Variants in IL16 observed in about 807,000 individuals in gnomAD.
IL16 encodes the protein interleukin 16, also known as pro-interleukin-16.
A neutral mutation model predicts 110.1 loss-of-function variants in IL16; 67 were observed. The observed-to-expected ratio is 0.61, with a 90% confidence interval of 0.50 to 0.75. IL16 has a LOEUF of 0.75. Ranked by LOEUF, IL16 falls within the 30% of genes least tolerant of loss-of-function variation. IL16 has a pLI of 0.00. For missense variants in IL16, 1,545 were observed against 1,655.0 expected (o/e 0.93, Z 1.15); for synonymous variants, 689 against 662.9 (o/e 1.04, Z -0.61).
intron 2 of IL16, among the ~76,000 whole-genome samples, chr15:81,246,143 C>T (rs550397297): frequency 1.3e-4 from 20 of 152,192 alleles, no homozygotes; most frequent in African/African-American, 4.8e-4. Flanking sequence ...TTTTTACAAG[C>T]CTGTAAAAAT....
chr15:81,293,967 C>T (rs1899866287), intron 12 of IL16, among the ~76,000 whole-genome samples: 1 of 152,248 alleles, frequency 6.6e-6, no homozygotes. Flanking sequence ...CAGTTACCCA[C>T]TATGCAATGC....
intron 12 of IL16, 37 bp from the exon 13 acceptor site, chr15:81,296,891 C>T (rs370107778): frequency 4.7e-5 from 73 of 1,546,842 alleles, no homozygotes; most frequent in African/African-American, 4.3e-4. Flanking sequence ...TTGAGGCTAC[C>T]GTTTTGACAT....
At chr15:81,226,372 A>C (rs1038800273) in intron 2 of IL16, among the ~76,000 whole-genome samples, 3 of 152,228 alleles carry the variant, frequency 2.0e-5, no homozygotes, top group Non-Finnish European at 2.9e-5. Flanking sequence ...GAATACCAGA[A>C]ATCTAGACCA....
At chr15:81,189,951 C>G (rs1368449743) in intron 1 of IL16, among the ~76,000 whole-genome samples, 1 of 152,218 alleles carries the variant, frequency 6.6e-6, no homozygotes, top group Non-Finnish European at 1.5e-5. Flanking sequence ...CTTGTGTGGG[C>G]AGAAAGACTG....
chr15:81,229,469 T>C (rs4095327), intron 2 of IL16, among the ~76,000 whole-genome samples: 20,250 of 151,754 alleles, frequency 0.13, 1,644 homozygotes, highest in South Asian at 0.3. Context: ...GGAGTCAAGT[T>C]TGAGGCAGGG....
chr15:81,299,639 C>T lies in IL16; in HGVS notation c.2313C>T (p.Tyr771=). ...CCGCCAATGGCACTCCCAAAGTTTA[C>T]AAGTCAGCAGACAGCAGCACTGTGA... ...LDTANGTPKV[Y]KSADSSTVKK... is the part of the protein sequence containing the mutation. Residue 771 remains tyrosine (Y), a synonymous_variant, in exon 14 of 19, where the codon TAC becomes TAT. Transcript: ENST00000683961. The T allele has an allele frequency of 6.2e-7, 1 of 1,614,238 alleles. No homozygotes were observed. The highest frequency in any genetic ancestry group is 8.5e-7 in the Non-Finnish European group (1 of 1,180,042).
chr15:81,306,238 G>T (rs944186408), intron 17 of IL16, 72 bp downstream of exon 17: 9 of 1,557,322 alleles, frequency 5.8e-6, no homozygotes, highest in Non-Finnish European at 7.8e-6. Context: ...AGACCTGATG[G>T]GGCTACTCAG....
In IL16 at chr15:81,217,675, C is replaced by A. The variant is rs148130800; in HGVS notation, c.-101-7624C>A. Among the ~76,000 whole-genome samples, 127 of 152,218 alleles carry A rather than the reference C, an allele frequency of 8.3e-4. No homozygotes were observed. The East Asian group carries it at 0.023, about 28-fold the overall frequency. On this transcript the variant is annotated intron_variant, in intron 1 of 18. Coordinates refer to ENST00000683961, the MANE Select transcript of IL16 (RefSeq NM_172217.5). Reference sequence around the variant, plus strand: ...CCAGTTATCTATTGAAAGAGACGCACACTGTGATCTAATGGGACTTAAAAC... The same window carrying A: ...CCAGTTATCTATTGAAAGAGACGCAAACTGTGATCTAATGGGACTTAAAAC...
At chr15:81,211,811 A>C (rs1896254144) in intron 1 of IL16, among the ~76,000 whole-genome samples, 1 of 152,218 alleles carries the variant, frequency 6.6e-6, no homozygotes, top group South Asian at 2.1e-4. Context: ...ATGGTAAATC[A>C]CATTTATTGA....
In IL16 at chr15:81,303,543, C is replaced by G; in HGVS notation, c.3319-6C>G. ...ATGTTTTTGAATGTATGTATTTCCT[C>G]TGCAGCAATTAGACGGCATCCATGT... is the stretch of plus-strand genomic sequence containing the variant. On this transcript the variant is annotated splice_region_variant and splice_polypyrimidine_tract_variant and intron_variant, in intron 15 of 18. Coordinates refer to ENST00000683961, the MANE Select transcript of IL16 (RefSeq NM_172217.5). This position sits in a 1 kb window ranked among gnomAD's most constrained non-coding sequence, Gnocchi z 4.1. The G allele has an allele frequency of 6.3e-7, 1 of 1,593,580 alleles. No individual in the cohort carries two copies. The highest frequency in any genetic ancestry group is 8.6e-7 in the Non-Finnish European group (1 of 1,161,344).
chr15:81,225,841 A>G (rs1001069027), intron 2 of IL16, 130 bp downstream of exon 2: 33 of 871,294 alleles, frequency 3.8e-5, no homozygotes, highest in Admixed American at 5.9e-5. Flanking sequence ...GAGCAAGAAA[A>G]AAGTTGAGGC....
chr15:81,308,184 T>C (rs17875550), intron 18 of IL16, among the ~76,000 whole-genome samples: 4,369 of 152,294 alleles, frequency 0.029, 220 homozygotes, highest in African/African-American at 0.1. Flanking sequence ...ACTAGCTCTC[T>C]TCCCATACCA....
rs368640922 is a variant in IL16 at position 81,242,451 on chromosome 15, C to T, written c.312+16740C>T. Among the ~76,000 whole-genome samples the T allele has an allele frequency of 1.2e-4, 19 of 152,272 alleles. No individual in the cohort carries two copies. The East Asian group carries it at 2.3e-3, about 19-fold the overall frequency. On this transcript the variant is annotated intron_variant, in intron 2 of 18. Transcript: ENST00000683961. Reference sequence around the variant, plus strand: ...TAGTTTGTAGCATACAAGTCCTATACATGTTTTGTCAGATTTATGCCTAAG... The same window carrying T: ...TAGTTTGTAGCATACAAGTCCTATATATGTTTTGTCAGATTTATGCCTAAG...
At chr15:81,212,362 A>T (rs1441556681) in intron 1 of IL16, among the ~76,000 whole-genome samples, 1 of 152,078 alleles carries the variant, frequency 6.6e-6, no homozygotes, top group Middle Eastern at 3.2e-3. Flanking sequence ...TTATTTACTT[A>T]TATATACATC....
intron 1 of IL16, chr15:81,183,037 A>C: frequency 2.2e-6 from 1 of 447,276 alleles, no homozygotes; most frequent in Non-Finnish European, 4.3e-6. Flanking sequence ...GTGTGTGTGC[A>C]CACGTGTGAG....
rs760203667 is a variant in IL16, at chr15:81,285,648, A to C, written c.1200-50A>C. The C allele has an allele frequency of 1.1e-5, 18 of 1,605,838 alleles. No homozygotes were observed. In the South Asian group the frequency reaches 1.6e-4, roughly 14 times the overall value. ...GGGCCCCTGGGGCAGTGACTGTTCA[A>C]ATGTCTCATTGATTCACTTACTGAT... On this transcript the variant is annotated intron_variant, in intron 9 of 18. Coordinates refer to ENST00000683961, the MANE Select transcript of IL16 (RefSeq NM_172217.5).
In IL16 at chr15:81,299,720, T is replaced by C; in HGVS notation, c.2394T>C (p.Gly798=). Residue 798 remains glycine, a synonymous_variant, in exon 14 of 19, where the codon GGT becomes GGC. Transcript: ENST00000683961. ...KPAWFRQSLK[G]LRNRASDPRG... ...CCTGGTTTCGCCAAAGCTTGAAAGG[T>C]TTGAGGAATCGTGCTTCAGACCCAA... 2 of 1,614,016 alleles carry C rather than the reference T, an allele frequency of 1.2e-6. No homozygotes were observed. The highest frequency in any genetic ancestry group is 1.7e-6 in the Non-Finnish European group (2 of 1,179,988).
chr15:81,265,829 G>A, intron 4 of IL16, 28 bp downstream of exon 4: 1 of 1,595,134 alleles, frequency 6.3e-7, no homozygotes, highest in Non-Finnish European at 8.6e-7. Flanking sequence ...GAAACTCAGA[G>A]AAGAGTTTCT....
intron 2 of IL16, among the ~76,000 whole-genome samples, chr15:81,226,912 A>T (rs925778258): frequency 2.6e-5 from 4 of 152,158 alleles, no homozygotes; most frequent in Non-Finnish European, 5.9e-5. Context: ...ACCTAAATGA[A>T]ATTCAAAAAG....
Sources: gnomAD v4.1 joint callset for allele counts (sites outside exome capture counted in the v4.1 genomes callset) on GRCh38, gnomAD v4.1.1 for gene constraint, Gnocchi (gnomAD v3.1) non-coding constraint, MANE v1.5 for transcripts, NCBI Gene and HGNC (gene_info 2026-07-23, HGNC 2026-07-21) for gene names.